Variants in ESRP1 observed in about 807,000 individuals in gnomAD.
ESRP1 encodes epithelial splicing regulatory protein 1.
In ESRP1, 33 loss-of-function variants were observed where a neutral mutation model predicts 81.7. The ratio of observed to expected loss-of-function variants is 0.40; its 90% confidence interval spans 0.31 to 0.54. The LOEUF (loss-of-function observed/expected upper bound fraction) is 0.54. ESRP1 is among the 20% of genes least tolerant of loss of function. ESRP1 has a pLI of 0.41. For synonymous variants in ESRP1, 320 were observed against 303.3 expected (o/e 1.06, Z -0.57); for missense variants, 672 against 833.1 (o/e 0.81, Z 2.38).
At chr8:94,704,792 A>C (rs948623664) in intron 15 of ESRP1, among the ~76,000 whole-genome samples, 1 of 132,106 alleles carries the variant, frequency 7.6e-6, no homozygotes, top group Admixed American at 7.8e-5. Context: ...AAAAAAAAAA[A>C]ACTGCAGTGA....
chr8:94,681,640 AAATAAAT>A (rs1279167220), intron 13 of ESRP1, among the ~76,000 whole-genome samples: 1 of 151,908 alleles, frequency 6.6e-6, no homozygotes, highest in Non-Finnish European at 1.5e-5. Flanking sequence ...CCGTCTCAAA[AAATAAAT>A]AATAAAAATG....
intron 15 of ESRP1, among the ~76,000 whole-genome samples, chr8:94,697,927 C>A (rs1327762122): frequency 1.3e-5 from 2 of 152,012 alleles, no homozygotes; most frequent in African/African-American, 4.8e-5. Flanking sequence ...ATTACAGGCA[C>A]CTGCCACCAT....
intron 13 of ESRP1, among the ~76,000 whole-genome samples, chr8:94,690,390 C>G (rs1396002575): frequency 6.7e-6 from 1 of 148,304 alleles, no homozygotes; most frequent in East Asian, 2.0e-4. Context: ...ACTTTGGCCT[C>G]CCAAAGTGCT....
At chr8:94,692,103 T>C (rs1410819053) in intron 13 of ESRP1, among the ~76,000 whole-genome samples, 2 of 152,234 alleles carry the variant, frequency 1.3e-5, no homozygotes, top group Non-Finnish European at 2.9e-5. Context: ...TTAATTTTTA[T>C]GTATCTCTTC....
chr8:94,650,650 A>C (rs996246727), intron 4 of ESRP1, among the ~76,000 whole-genome samples: 1 of 152,224 alleles, frequency 6.6e-6, no homozygotes, highest in Non-Finnish European at 1.5e-5. Flanking sequence ...AGTTCTTGCA[A>C]ATATGAATAG....
chr8:94,674,309 G>T lies in ESRP1; in HGVS notation c.1454G>T (p.Gly485Val). The change falls in exon 12 of 16, where the codon GGC becomes GTC. Residue 485 changes from glycine to valine, a missense_variant and splice_region_variant. Transcript: ENST00000433389. ...HGVHMVLNHQ[G>V]RPSGDAFIQM... ...TTTATTCTTCCCCCACACACTCAGGGCCGCCCATCAGGAGATGCCTTTATC... is the reference window on the plus strand; with the variant it reads ...TTTATTCTTCCCCCACACACTCAGGTCCGCCCATCAGGAGATGCCTTTATC... 1 of 1,613,340 alleles carries T rather than the reference G, an allele frequency of 6.2e-7. No homozygotes were observed. Among genetic ancestry groups the T allele is most frequent in the East Asian group, 2.2e-5 (1 of 44,860 alleles).
At chr8:94,685,643 T>TA in intron 13 of ESRP1, among the ~76,000 whole-genome samples, 1 of 151,478 alleles carries the variant, frequency 6.6e-6, no homozygotes, top group Non-Finnish European at 1.5e-5. Context: ...TCTGAAAAAA[T>TA]AAAAAAATTA....
At chr8:94,683,160 T>C (rs1235028262) in intron 13 of ESRP1, among the ~76,000 whole-genome samples, 1 of 151,504 alleles carries the variant, frequency 6.6e-6, no homozygotes, top group Admixed American at 6.6e-5. Context: ...GTCAGGCTAG[T>C]CTCCAACTCC....
intron 4 of ESRP1, among the ~76,000 whole-genome samples, chr8:94,647,702 G>A (rs554792884): frequency 1.3e-5 from 2 of 152,302 alleles, no homozygotes; most frequent in Admixed American, 1.3e-4. Flanking sequence ...CTTTGGGGGA[G>A]GTGGAGGACA....
At chr8:94,642,584 G>A (rs1312094717) in intron 2 of ESRP1, among the ~76,000 whole-genome samples, 1 of 152,200 alleles carries the variant, frequency 6.6e-6, no homozygotes, top group Non-Finnish European at 1.5e-5. Context: ...CCAACGAAAG[G>A]CTCGGTCCGT....
Position 94,706,155 on chromosome 8 carries a change from G to A in ESRP1, c.*266G>A. The A allele has an allele frequency of 1.9e-6, 1 of 517,024 alleles. No homozygotes were observed. Among genetic ancestry groups the A allele is most frequent in the Non-Finnish European group, 3.4e-6 (1 of 295,218 alleles). 32.0% of individuals were successfully genotyped at this position (517,024 alleles called of 1,614,324 possible). ...CCTGGCTCTTTGCTGATTGCAAATA[G>A]GCATTTAAAATGTGAATTTGGAATC... On this transcript the variant is annotated 3_prime_UTR_variant, in exon 16 of 16. Coordinates refer to ENST00000433389, the MANE Select transcript of ESRP1 (RefSeq NM_017697.4).
chr8:94,682,360 A>G (rs1360499318), intron 13 of ESRP1, among the ~76,000 whole-genome samples: 1 of 152,092 alleles, frequency 6.6e-6, no homozygotes, highest in Non-Finnish European at 1.5e-5. Flanking sequence ...TACAAGTAAC[A>G]TCAACTTTTT....
In ESRP1 at chr8:94,641,283, T is replaced by TCCCGGCCCCCC; in HGVS notation, c.-32_-31insGCCCCCCCCCG. On this transcript the variant is annotated 5_prime_UTR_variant, in exon 1 of 16. Coordinates refer to ENST00000433389, the MANE Select transcript of ESRP1 (RefSeq NM_017697.4). ...CTCACTTCCACACCACCTTACCGCC[T>TCCCGGCCCCCC]CCCGACCCCCCCTCTCCCCCTCCCC... The TCCCGGCCCCCC allele has an allele frequency of 6.4e-7, 1 of 1,551,514 alleles. No individual in the cohort carries two copies. Among genetic ancestry groups the TCCCGGCCCCCC allele is most frequent in the Non-Finnish European group, 8.8e-7 (1 of 1,131,504 alleles).
intron 13 of ESRP1, among the ~76,000 whole-genome samples, chr8:94,684,975 C>T (rs1185341119): frequency 6.6e-6 from 1 of 151,094 alleles, no homozygotes; most frequent in East Asian, 2.0e-4. Flanking sequence ...CTGCAATGAG[C>T]TGTGATCGTG....
intron 13 of ESRP1, among the ~76,000 whole-genome samples, chr8:94,689,815 T>TTTTTTTTTTTA (rs1809308977): frequency 2.2e-5 from 1 of 44,502 alleles, no homozygotes; most frequent in Non-Finnish European, 5.3e-5. Flanking sequence ...GCCTGGCTTT[T>TTTTTTTTTTTA]TTTTTTTTTT....
intron 15 of ESRP1, among the ~76,000 whole-genome samples, chr8:94,700,277 G>T (rs570970876): frequency 6.6e-6 from 1 of 152,244 alleles, no homozygotes; most frequent in East Asian, 1.9e-4. Context: ...AAGCTGTAAT[G>T]AGGTTCTTGA....
Position 94,642,087 on chromosome 8 carries a change from G to A in ESRP1, c.261+3G>A. 1 of 1,610,044 alleles carries A rather than the reference G, an allele frequency of 6.2e-7. No homozygotes were observed. Among genetic ancestry groups the A allele is most frequent in the Non-Finnish European group, 8.5e-7 (1 of 1,179,564 alleles). ...AGCTGGACCAAGCCCTCCGACAGGTGACAACCCCGGGTCACGCCACCCACC... is the reference window on the plus strand; with the variant it reads ...AGCTGGACCAAGCCCTCCGACAGGTAACAACCCCGGGTCACGCCACCCACC... On this transcript the variant is annotated splice_donor_region_variant and intron_variant, in intron 2 of 15. Coordinates refer to ENST00000433389, the MANE Select transcript of ESRP1 (RefSeq NM_017697.4).
At chr8:94,670,566 G>C (rs578034147) in intron 10 of ESRP1, among the ~76,000 whole-genome samples, 21 of 152,290 alleles carry the variant, frequency 1.4e-4, no homozygotes, top group South Asian at 4.1e-4. Context: ...TTAAAGGCTA[G>C]AGTGATTAAG....
In ESRP1 at chr8:94,641,459, C is replaced by A; in HGVS notation, c.132+9C>A. 6.2e-7 allele frequency: 1 copy of A among 1,613,802 alleles called. No homozygotes were observed. Among genetic ancestry groups the A allele is most frequent in the Non-Finnish European group, 8.5e-7 (1 of 1,179,836 alleles). ...ATCTGGCCAACAAGAAGGTATTTCTCCACATTTTCGTCTAAATGCAAGGAA... is the reference window on the plus strand; with the variant it reads ...ATCTGGCCAACAAGAAGGTATTTCTACACATTTTCGTCTAAATGCAAGGAA... On this transcript the variant is annotated intron_variant, in intron 1 of 15. Coordinates refer to ENST00000433389, the MANE Select transcript of ESRP1 (RefSeq NM_017697.4).
Sources: gnomAD v4.1 joint callset for allele counts (sites outside exome capture counted in the v4.1 genomes callset) on GRCh38, gnomAD v4.1.1 for gene constraint, MANE v1.5 for transcripts, NCBI Gene and HGNC (gene_info 2026-07-23, HGNC 2026-07-21) for gene names.